The following KCNN3 variants were observed in gnomAD, a reference collection of about 807,000 sequenced individuals.
The protein encoded by KCNN3 is potassium calcium-activated channel subfamily N member 3, also known as small conductance calcium-activated potassium channel protein 3.
In KCNN3, 16 loss-of-function variants were observed where a neutral mutation model predicts 62.9. The ratio of observed to expected loss-of-function variants is 0.25; its 90% CI spans 0.17 to 0.39. The LOEUF is 0.39. Ranked by LOEUF, KCNN3 falls within the 10% of genes least tolerant of loss-of-function variation. The probability of loss-of-function intolerance (pLI) is 1.00; values close to 1 mark genes in which losing one functional copy is unlikely to be tolerated. For missense variants in KCNN3, 599 were observed against 949.4 expected (o/e 0.63, Z 4.85); for synonymous variants, 370 against 389.2 (o/e 0.95, Z 0.58).
In KCNN3 at chr1:154,729,903, C is replaced by T. The variant is rs1700553615; in HGVS notation, c.1590+3100G>A. 2.0e-5 allele frequency among the ~76,000 whole-genome samples: 3 copies of T among 152,218 alleles called. No individual in the cohort carries two copies. The South Asian group carries it at 6.2e-4, about 32-fold the overall frequency. On this transcript the variant is annotated intron_variant, in intron 4 of 7. Coordinates refer to ENST00000271915, the MANE Select transcript of KCNN3 (RefSeq NM_002249.6). ...CTCATGAGGCCATTGGGGAAAAGCT[C>T]AGCGTCCCTGCAGATATCCAGAAGC...
Position 154,701,541 on chromosome 1 carries a change from G to A in KCNN3, c.*6435C>T, listed in dbSNP as rs1699852558. The stretch of plus-strand genomic sequence containing the variant: ...AGAGAAAGAGGGGTGTAGATTCCAT[G>A]AGTTGCTTAATTTTGCTATAAAGGA... On this transcript the variant is annotated 3_prime_UTR_variant, in exon 8 of 8. Coordinates refer to ENST00000271915, the MANE Select transcript of KCNN3 (RefSeq NM_002249.6). The A allele has an allele frequency of 6.7e-6, 1 of 149,628 alleles. No homozygotes were observed. Among genetic ancestry groups the A allele is most frequent in the African/African-American group, 2.5e-5 (1 of 40,548 alleles). The allele number at this position is 149,628 out of a possible 1,614,324, so 9.3% of individuals were successfully genotyped here.
chr1:154,786,729 G>A (rs1228409506), intron 2 of KCNN3, among the ~76,000 whole-genome samples: 1 of 152,238 alleles, frequency 6.6e-6, no homozygotes, highest in African/African-American at 2.4e-5. Context: ...GACGCAGGGA[G>A]ATGGGAATCA....
Position 154,869,717 on chromosome 1 carries a change from T to C in KCNN3, c.248A>G (p.His83Arg). 1 of 1,569,832 alleles carries C rather than the reference T, an allele frequency of 6.4e-7. No individual in the cohort carries two copies. The highest frequency in any genetic ancestry group is 8.6e-7 in the Non-Finnish European group (1 of 1,158,506). Residue 83 changes from histidine (H) to arginine (R), a missense_variant, in exon 1 of 8, where the codon CAT (histidine) becomes CGT (arginine). Coordinates refer to ENST00000271915, the MANE Select transcript of KCNN3 (RefSeq NM_002249.6). This position sits in a 1 kb window ranked among gnomAD's most constrained non-coding sequence, Gnocchi z 6.1. ...GAGTTGGGCGAGCTGAGACAGGGGA[T>C]GCGGTGGCTGCTGCTGCTGCTGCTG... ...QQQQQQQQPPHPLSQLAQLQS... is the reference protein window; with the variant it reads ...QQQQQQQQPPRPLSQLAQLQS...
intron 2 of KCNN3, among the ~76,000 whole-genome samples, chr1:154,811,389 CAATT>C (rs929652249): frequency 5.9e-5 from 9 of 152,140 alleles, no homozygotes; most frequent in Admixed American, 3.9e-4. Context: ...TATAATTAGA[CAATT>C]AACGTCACTG....
In KCNN3 at chr1:154,834,432, G is replaced by T. The variant is rs116286121; in HGVS notation, c.934-12248C>A. Among the ~76,000 whole-genome samples the T allele has an allele frequency of 7.6e-3, 1,159 of 152,282 alleles. 10 individuals carry two copies. Among genetic ancestry groups the T allele is most frequent in the Non-Finnish European group, 0.013 (851 of 68,016 alleles). ...CCCAAGTAGACTATCCATGGTCTAG[G>T]GGGGGTCAGGGAACCTCCCAATTCC... On this transcript the variant is annotated intron_variant, in intron 1 of 7. Transcript: ENST00000271915.
At chr1:154,712,265 C>T (rs1434713498) in intron 7 of KCNN3, among the ~76,000 whole-genome samples, 1 of 152,118 alleles carries the variant, frequency 6.6e-6, no homozygotes, top group Non-Finnish European at 1.5e-5. Context: ...CTAGTCCCAG[C>T]GGGTTTCTGA....
intron 2 of KCNN3, among the ~76,000 whole-genome samples, chr1:154,791,430 G>T (rs916901422): frequency 1.3e-5 from 2 of 152,066 alleles, no homozygotes; most frequent in Non-Finnish European, 2.9e-5. Context: ...TGGGATGGGT[G>T]ATCGGCTGCC....
chr1:154,725,334 C>G (rs988773760), intron 5 of KCNN3, among the ~76,000 whole-genome samples: 1 of 152,024 alleles, frequency 6.6e-6, no homozygotes, highest in Non-Finnish European at 1.5e-5. Context: ...TATCATCAGG[C>G]AAAGGGGCAG....
chr1:154,755,287 T>C (rs1169071723), intron 3 of KCNN3, among the ~76,000 whole-genome samples: 2 of 151,730 alleles, frequency 1.3e-5, no homozygotes, highest in African/African-American at 2.4e-5. Context: ...CTGGGCAACA[T>C]AGAGAGACTC....
At chr1:154,820,704 A>G (rs115242692) in intron 2 of KCNN3, among the ~76,000 whole-genome samples, 2,774 of 152,206 alleles carry the variant, frequency 0.018, 41 homozygotes, top group Middle Eastern at 0.048. Flanking sequence ...TCCAATTCAG[A>G]CTCCATGAAG....
chr1:154,771,992 G>C lies in KCNN3; in HGVS notation c.1431C>G (p.Thr477=), dbSNP rs763573215. 3.1e-6 allele frequency: 5 copies of C among 1,614,100 alleles called. No homozygotes were observed. The highest frequency in any genetic ancestry group is 4.2e-6 in the Non-Finnish European group (5 of 1,180,038). ...TGGAATACCTTTCACAGACACGGAC[G>C]GTCCAGGCAGCAATGATCCACAGAG... ...SISLWIIAAW[T]VRVCERYHDQ... The change falls in exon 3 of 8, where the codon ACC becomes ACG. Residue 477 remains threonine, a synonymous_variant. Coordinates refer to ENST00000271915, the MANE Select transcript of KCNN3 (RefSeq NM_002249.6).
chr1:154,841,897 G>A (rs546890267), intron 1 of KCNN3, among the ~76,000 whole-genome samples: 1 of 152,364 alleles, frequency 6.6e-6, no homozygotes, highest in East Asian at 1.9e-4. Context: ...TGCCATTTAA[G>A]TTCTCTCCAG....
intron 6 of KCNN3, among the ~76,000 whole-genome samples, chr1:154,714,272 G>GGTGTGTGTGGTGT (rs1190540139): frequency 1.6e-4 from 8 of 51,284 alleles, no homozygotes; most frequent in Non-Finnish European, 2.3e-4. Flanking sequence ...TGTGGTATGT[G>GGTGTGTGTGGTGT]GTGTGTGTGG....
At chr1:154,727,784 G>A (rs1700501723) in intron 4 of KCNN3, among the ~76,000 whole-genome samples, 1 of 152,154 alleles carries the variant, frequency 6.6e-6, no homozygotes, top group African/African-American at 2.4e-5. Context: ...GCCTCCAAAA[G>A]CAAAAAATAG....
At chr1:154,802,784 A>C (rs1650014968) in intron 2 of KCNN3, among the ~76,000 whole-genome samples, 1 of 152,142 alleles carries the variant, frequency 6.6e-6, no homozygotes, top group African/African-American at 2.4e-5. Context: ...TCCACCTACT[A>C]ACATGGGTGT....
At chr1:154,769,290 C>T (rs1648443899) in intron 3 of KCNN3, among the ~76,000 whole-genome samples, 1 of 152,196 alleles carries the variant, frequency 6.6e-6, no homozygotes, top group Non-Finnish European at 1.5e-5. Flanking sequence ...ATCCACCATG[C>T]TTTAATACAC....
At chr1:154,721,550 G>A (rs148561012) in intron 5 of KCNN3, among the ~76,000 whole-genome samples, 3,691 of 151,966 alleles carry the variant, frequency 0.024, 152 homozygotes, top group African/African-American at 0.085. Context: ...ATCCGCCCAC[G>A]TCGGCCTCGC....
At chr1:154,714,376 G>T (rs2101764819) in intron 6 of KCNN3, among the ~76,000 whole-genome samples, 2 of 139,212 alleles carry the variant, frequency 1.4e-5, no homozygotes, top group African/African-American at 5.4e-5. Context: ...GTTTGTGTGA[G>T]GTGTGTGTGG....
At chr1:154,817,641 G>A (rs1277453715) in intron 2 of KCNN3, among the ~76,000 whole-genome samples, 1 of 152,232 alleles carries the variant, frequency 6.6e-6, no homozygotes. Context: ...AGTAGAGAAC[G>A]TTCCTCAAGC....
Sources: gnomAD v4.1 joint callset for allele counts (sites outside exome capture counted in the v4.1 genomes callset) on GRCh38, gnomAD v4.1.1 for gene constraint, Gnocchi (gnomAD v3.1) non-coding constraint, MANE v1.5 for transcripts, NCBI Gene and HGNC (gene_info 2026-07-23, HGNC 2026-07-21) for gene names.